The following RSRC1 variants were observed in gnomAD, a reference collection of about 807,000 sequenced individuals.
RSRC1 encodes arginine and serine rich coiled-coil 1.
In RSRC1, 39 loss-of-function variants were observed where a neutral mutation model predicts 49.1. The ratio of observed to expected loss-of-function variants is 0.79; its 90% CI spans 0.61 to 1.04. The LOEUF is 1.04. Among genes scored for constraint, RSRC1 ranks in the 50% least tolerant of loss-of-function variants. The pLI is 0.00. For missense variants in RSRC1, 388 were observed against 402.4 expected (o/e 0.96, Z 0.31); for synonymous variants, 143 against 130.8 (o/e 1.09, Z -0.63).
chr3:158,463,822 C>T (rs925637734), intron 7 of RSRC1, among the ~76,000 whole-genome samples: 1 of 152,102 alleles, frequency 6.6e-6, no homozygotes, highest in African/African-American at 2.4e-5. Flanking sequence ...AGCCTTTAAC[C>T]AATGGGGGCC....
chr3:158,384,655 A>AT (rs1265784507), intron 6 of RSRC1, among the ~76,000 whole-genome samples: 1 of 152,160 alleles, frequency 6.6e-6, no homozygotes, highest in Non-Finnish European at 1.5e-5. Context: ...TTTTGAGAAC[A>AT]TTGTAAGAGG....
At chr3:158,368,320 T>C (rs143957742) in intron 6 of RSRC1, among the ~76,000 whole-genome samples, 152 of 152,306 alleles carry the variant, frequency 1.0e-3, no homozygotes, top group African/African-American at 3.4e-3. Context: ...CAGCTTTTGT[T>C]ATTGGGCTCT....
At chr3:158,268,782 C>T (rs1403344389) in intron 4 of RSRC1, among the ~76,000 whole-genome samples, 1 of 152,100 alleles carries the variant, frequency 6.6e-6, no homozygotes, top group Non-Finnish European at 1.5e-5. Context: ...TAAAACAAAA[C>T]CTTTAAAGAT....
intron 5 of RSRC1, among the ~76,000 whole-genome samples, chr3:158,343,145 C>T (rs1048031687): frequency 1.3e-5 from 2 of 152,148 alleles, no homozygotes; most frequent in Admixed American, 1.3e-4. Context: ...TTAGTGGGAA[C>T]AATAACTGGT....
At chr3:158,357,576 A>G (rs1000207974) in intron 6 of RSRC1, among the ~76,000 whole-genome samples, 1 of 152,176 alleles carries the variant, frequency 6.6e-6, no homozygotes. Flanking sequence ...GGAAGAGTAC[A>G]TAGCTAACTT....
intron 1 of RSRC1, among the ~76,000 whole-genome samples, chr3:158,111,749 T>C (rs1311118373): frequency 1.3e-5 from 2 of 152,246 alleles, no homozygotes; most frequent in Non-Finnish European, 2.9e-5. Flanking sequence ...TATAGTTTGA[T>C]ATACTGAGTG....
chr3:158,308,447 A>G (rs1727957154), intron 5 of RSRC1, among the ~76,000 whole-genome samples: 2 of 151,946 alleles, frequency 1.3e-5, no homozygotes, highest in South Asian at 4.1e-4. Flanking sequence ...ACAGTGTGCT[A>G]CATTTTGATC....
At chr3:158,395,935 A>G (rs1467318719) in intron 6 of RSRC1, among the ~76,000 whole-genome samples, 1 of 152,140 alleles carries the variant, frequency 6.6e-6, no homozygotes. Flanking sequence ...GAATCAACCT[A>G]AGTTCCCATC....
intron 3 of RSRC1, among the ~76,000 whole-genome samples, chr3:158,126,980 G>A (rs1017422103): frequency 6.6e-6 from 1 of 151,876 alleles, no homozygotes; most frequent in Non-Finnish European, 1.5e-5. Flanking sequence ...TGTTTCCTCT[G>A]CAAAATTGCT....
intron 4 of RSRC1, among the ~76,000 whole-genome samples, chr3:158,207,085 C>T (rs938720962): frequency 2.0e-5 from 3 of 152,094 alleles, no homozygotes; most frequent in Non-Finnish European, 2.9e-5. Flanking sequence ...AGCTAATAAA[C>T]GGCAGAGTTA....
At chr3:158,359,080 G>C (rs1731332057) in intron 6 of RSRC1, among the ~76,000 whole-genome samples, 2 of 152,028 alleles carry the variant, frequency 1.3e-5, no homozygotes, top group South Asian at 4.1e-4. Context: ...ATACCTAGGA[G>C]GGTGATAGTG....
At chr3:158,304,154 T>G (rs1277336621) in intron 5 of RSRC1, among the ~76,000 whole-genome samples, 1 of 152,162 alleles carries the variant, frequency 6.6e-6, no homozygotes, top group Non-Finnish European at 1.5e-5. Context: ...ATTTTAAGTG[T>G]TGAAAAGCAA....
intron 1 of RSRC1, among the ~76,000 whole-genome samples, chr3:158,119,241 T>C (rs535459833): frequency 1.2e-4 from 18 of 152,238 alleles, no homozygotes; most frequent in Non-Finnish European, 2.5e-4. Context: ...CCTGATCCTT[T>C]CTGATTTTTG....
At chr3:158,516,513 G>T (rs1484671151) in intron 7 of RSRC1, among the ~76,000 whole-genome samples, 1 of 152,146 alleles carries the variant, frequency 6.6e-6, no homozygotes, top group African/African-American at 2.4e-5. Context: ...TGTCAGACAG[G>T]GACATTTAAG....
intron 5 of RSRC1, among the ~76,000 whole-genome samples, chr3:158,321,604 A>G (rs1253318658): frequency 6.6e-6 from 1 of 150,884 alleles, no homozygotes; most frequent in African/African-American, 2.4e-5. Flanking sequence ...TATGTATTAT[A>G]TATGAGTGAT....
At chr3:158,337,105 A>G (rs1233376791) in intron 5 of RSRC1, among the ~76,000 whole-genome samples, 1 of 152,330 alleles carries the variant, frequency 6.6e-6, no homozygotes, top group Middle Eastern at 3.4e-3. Context: ...GGCCTCACCA[A>G]TGCTGCTCTT....
chr3:158,331,704 A>C (rs1465911860), intron 5 of RSRC1, among the ~76,000 whole-genome samples: 1 of 151,972 alleles, frequency 6.6e-6, no homozygotes, highest in Admixed American at 6.6e-5. Flanking sequence ...GTTTTTTTGA[A>C]GTGTATTCAT....
chr3:158,115,308 G>A (rs1714725754), intron 1 of RSRC1, among the ~76,000 whole-genome samples: 1 of 151,728 alleles, frequency 6.6e-6, no homozygotes, highest in African/African-American at 2.4e-5. Context: ...TCTCTTTTTG[G>A]TCACCCCCAA....
At position 158,193,139 on chromosome 3, in the gene RSRC1, A is replaced by G. The variant is rs187568296; in HGVS notation, c.321-9933A>G. ...ATTTCATTCTCATGGTAAGGTAAAT[A>G]TTATTGTCATTTTGCAGATAAGGAA... On this transcript the variant is annotated intron_variant, in intron 3 of 9. Transcript: ENST00000611884. Among the ~76,000 whole-genome samples, 248 of 152,196 alleles carry G rather than the reference A, an allele frequency of 1.6e-3. 2 individuals carry two copies. Among genetic ancestry groups the G allele is most frequent in the South Asian group, 4.6e-3 (22 of 4,820 alleles).
Sources: gnomAD v4.1 joint callset for allele counts (sites outside exome capture counted in the v4.1 genomes callset) on GRCh38, gnomAD v4.1.1 for gene constraint, MANE v1.5 for transcripts, NCBI Gene and HGNC (gene_info 2026-07-23, HGNC 2026-07-21) for gene names.